CCDC134: variants seen among roughly 807,000 people sequenced by gnomAD.
CCDC134 encodes the protein coiled-coil domain containing 134.
A neutral mutation model predicts 25.6 loss-of-function variants in CCDC134; 27 were observed. The observed-to-expected ratio is 1.05, with a 90% CI of 0.78 to 1.45. The LOEUF (loss-of-function observed/expected upper bound fraction) is 1.45. Among genes scored for constraint, CCDC134 ranks in the 40% most tolerant of loss-of-function variants. The pLI, the probability that CCDC134 is intolerant of heterozygous loss-of-function variation, is 0.00. For synonymous variants in CCDC134, 110 were observed against 115.0 expected (o/e 0.96, Z 0.28); for missense variants, 261 against 286.7 (o/e 0.91, Z 0.65).
chr22:41,819,963 TTATATA>T (rs34213936), intron 6 of CCDC134, among the ~76,000 whole-genome samples: 1,107 of 82,600 alleles, frequency 0.013, 43 homozygotes, highest in African/African-American at 0.061. Flanking sequence ...ACTTACCACT[TTATATA>T]TATATATATA....
intron 2 of CCDC134, 40 bp from the exon 3 acceptor site, chr22:41,809,839 A>AG: frequency 6.2e-7 from 1 of 1,612,866 alleles, no homozygotes; most frequent in Middle Eastern, 1.7e-4. Flanking sequence ...TTGTCCAGGC[A>AG]GGGCTATTGA....
At position 41,813,441 on chromosome 22, in the gene CCDC134, G is replaced by C. The variant is rs2076607294; in HGVS notation, c.488G>C (p.Ser163Thr). The C allele has an allele frequency of 6.2e-7, 1 of 1,614,116 alleles. No individual in the cohort carries two copies. Among genetic ancestry groups the C allele is most frequent in the African/African-American group, 1.3e-5 (1 of 74,932 alleles). ...CAGGGGCCCCACTCGCCCATCCTCA[G>C]CCTGGTAAGGACTGGGGTGGAGGTG... The part of the protein sequence containing the change: ...FNQGPHSPIL[S>T]LMAQELGISE... The change falls in exon 5 of 7, where the codon AGC becomes ACC. Residue 163 changes from serine (S) to threonine (T), a missense_variant. Transcript: ENST00000255784.
chr22:41,823,665 C>T (rs1185955512), intron 6 of CCDC134, among the ~76,000 whole-genome samples: 2 of 152,256 alleles, frequency 1.3e-5, no homozygotes, highest in Non-Finnish European at 2.9e-5. Flanking sequence ...GGTCCAGCCT[C>T]TCCCAGCAAC....
At chr22:41,805,288 T>G (rs1295267305) in intron 1 of CCDC134, among the ~76,000 whole-genome samples, 3 of 151,978 alleles carry the variant, frequency 2.0e-5, no homozygotes, top group Non-Finnish European at 4.4e-5. Context: ...AAAAATTAGC[T>G]GGGTGTGGTG....
chr22:41,815,404 A>C (rs1053236371), intron 6 of CCDC134, among the ~76,000 whole-genome samples: 7 of 151,304 alleles, frequency 4.6e-5, no homozygotes, highest in African/African-American at 1.7e-4. Context: ...ACGGGGTTTC[A>C]CCATGTTAGC....
At chr22:41,809,665 A>G (rs1718065670) in intron 2 of CCDC134, among the ~76,000 whole-genome samples, 1 of 152,166 alleles carries the variant, frequency 6.6e-6, no homozygotes. Flanking sequence ...GCTTGGTTTC[A>G]GGCTTCTGGG....
At chr22:41,817,964 G>A (rs2076630881) in intron 6 of CCDC134, among the ~76,000 whole-genome samples, 2 of 152,086 alleles carry the variant, frequency 1.3e-5, no homozygotes, top group South Asian at 4.1e-4. Flanking sequence ...TGTTACTGGG[G>A]CTGGCTGACT....
At chr22:41,818,922 A>G (rs1602243092) in intron 6 of CCDC134, among the ~76,000 whole-genome samples, 1 of 152,228 alleles carries the variant, frequency 6.6e-6, no homozygotes, top group African/African-American at 2.4e-5. Context: ...CAGGTCATAG[A>G]TGCCTCACTT....
chr22:41,808,920 C>T lies in CCDC134; in HGVS notation c.30C>T (p.Leu10=). 1 of 1,614,212 alleles carries T rather than the reference C, an allele frequency of 6.2e-7. No individual in the cohort carries two copies. Among genetic ancestry groups the T allele is most frequent in the South Asian group, 1.1e-5 (1 of 91,082 alleles). Residue 10 remains leucine (L), a synonymous_variant, in exon 2 of 7, where the codon CTC becomes CTT. Transcript: ENST00000255784. ...ACCTTCTTCAATTCCTGGCCTTCCT[C>T]TTTGTCCTGCTTTTGTCTGGGATGG... The part of the protein sequence containing the change: MDLLQFLAF[L]FVLLLSGMGA...
At chr22:41,820,334 T>C (rs906857595) in intron 6 of CCDC134, among the ~76,000 whole-genome samples, 1 of 151,798 alleles carries the variant, frequency 6.6e-6, no homozygotes, top group Non-Finnish European at 1.5e-5. Context: ...ATTTTTGCTC[T>C]TGTTGCCCAG....
At chr22:41,823,320 G>C (rs1325141737) in intron 6 of CCDC134, among the ~76,000 whole-genome samples, 3 of 151,116 alleles carry the variant, frequency 2.0e-5, no homozygotes, top group African/African-American at 4.9e-5. Flanking sequence ...CGCCTCCTGG[G>C]TTCAGGTGAT....
intron 4 of CCDC134, among the ~76,000 whole-genome samples, chr22:41,812,071 G>C (rs949954169): frequency 6.6e-6 from 1 of 152,096 alleles, no homozygotes; most frequent in Non-Finnish European, 1.5e-5. Flanking sequence ...AGGTTAGTTG[G>C]TAGTATTGTA....
rs1411588432 is a variant in CCDC134, at chr22:41,813,317, T to C, written c.364T>C (p.Phe122Leu). Residue 122 changes from phenylalanine to leucine, a missense_variant, in exon 5 of 7, where the codon TTC becomes CTC. Transcript: ENST00000255784. ...TAFFGDVVLR[F>L]PRIVHYYFDH... ...CTTCTTCGGCGATGTGGTGCTGCGC[T>C]TCCCGAGGATTGTGCACTATTACTT... 6.2e-7 allele frequency: 1 copy of C among 1,614,096 alleles called. No homozygotes were observed. Among genetic ancestry groups the C allele is most frequent in the Non-Finnish European group, 8.5e-7 (1 of 1,180,050 alleles).
At position 41,825,668 on chromosome 22, in the gene CCDC134, T is replaced by C. The variant is rs2076673561; in HGVS notation, c.565-30T>C. 2 of 1,613,306 alleles carry C rather than the reference T, an allele frequency of 1.2e-6. No homozygotes were observed. The highest frequency in any genetic ancestry group is 1.7e-6 in the Non-Finnish European group (2 of 1,179,488). ...GAGCAGGCTCTTTGCTGCCACAGAC[T>C]AAATCAGACTGCTCTTCTCTTCCCT... On this transcript the variant is annotated intron_variant, in intron 6 of 6. Transcript: ENST00000255784. This position sits in a 1 kb window ranked among gnomAD's most constrained non-coding sequence, Gnocchi z 4.4.
At chr22:41,804,317 T>C (rs2076557841) in intron 1 of CCDC134, among the ~76,000 whole-genome samples, 1 of 152,198 alleles carries the variant, frequency 6.6e-6, no homozygotes, top group South Asian at 2.1e-4. Context: ...GCACAAGGCT[T>C]GTACCTTAAA....
In CCDC134 at chr22:41,812,780, A is replaced by C. The variant is rs180709061; in HGVS notation, c.311-484A>C. On this transcript the variant is annotated intron_variant, in intron 4 of 6. Transcript: ENST00000255784. ...CATCCTAAGATACCTGAGGTCTCAC[A>C]GACACTCTAGTTGTGTTAACACCAG... 5.9e-5 allele frequency among the ~76,000 whole-genome samples: 9 copies of C among 152,366 alleles called. 1 individual carries two copies. The East Asian group carries it at 1.7e-3, about 29-fold the overall frequency.
intron 2 of CCDC134, 115 bp from the exon 3 acceptor site, chr22:41,809,764 G>C: frequency 2.2e-6 from 3 of 1,359,798 alleles, no homozygotes; most frequent in Non-Finnish European, 3.0e-6. Context: ...TCTAGCCCTG[G>C]GTGTCCATGG....
intron 1 of CCDC134, among the ~76,000 whole-genome samples, chr22:41,801,100 A>G (rs2076540400): frequency 1.3e-5 from 2 of 152,222 alleles, no homozygotes; most frequent in African/African-American, 4.8e-5. Context: ...TAGAGAAAGC[A>G]GGACCTGTCC....
chr22:41,824,830 G>A (rs1026107094), intron 6 of CCDC134, among the ~76,000 whole-genome samples: 1 of 152,176 alleles, frequency 6.6e-6, no homozygotes, highest in African/African-American at 2.4e-5. Flanking sequence ...CAAAGGGGAT[G>A]TGGAAAGCCC....
Sources: allele counts gnomAD v4.1 joint callset (sites outside exome capture counted in the v4.1 genomes callset), GRCh38; gene constraint gnomAD v4.1.1; non-coding constraint Gnocchi (gnomAD v3.1); transcripts MANE v1.5; gene names NCBI Gene and HGNC (gene_info 2026-07-23, HGNC 2026-07-21).